Variants in ZNF521 observed in about 807,000 individuals in gnomAD.
The protein encoded by ZNF521 is zinc finger protein 521.
In ZNF521, 14 loss-of-function variants were observed where a neutral mutation model predicts 105.5. The observed-to-expected ratio is 0.13, with a 90% confidence interval of 0.09 to 0.21. The LOEUF (loss-of-function observed/expected upper bound fraction) is 0.21, where lower values mean the gene tolerates loss of function less well. Among genes scored for constraint, ZNF521 ranks in the 10% least tolerant of loss-of-function variants. The pLI, the probability that ZNF521 is intolerant of heterozygous loss-of-function variation, is 1.00. For missense variants in ZNF521, 1,233 were observed against 1,629.7 expected (o/e 0.76, Z 4.19); for synonymous variants, 635 against 606.0 (o/e 1.05, Z -0.70).
At chr18:25,230,937 T>A (rs1906489443) in intron 3 of ZNF521, among the ~76,000 whole-genome samples, 1 of 152,128 alleles carries the variant, frequency 6.6e-6, no homozygotes, top group Non-Finnish European at 1.5e-5. Context: ...ACCATTTCCA[T>A]AAAGCACATT....
At chr18:25,333,036 G>A in intron 2 of ZNF521, among the ~76,000 whole-genome samples, 1 of 151,696 alleles carries the variant, frequency 6.6e-6, no homozygotes, top group South Asian at 2.1e-4. Context: ...TAGTATTTAT[G>A]TATATAATGT....
chr18:25,107,113 G>A (rs1014362515), intron 5 of ZNF521, among the ~76,000 whole-genome samples: 3 of 152,176 alleles, frequency 2.0e-5, no homozygotes, highest in Non-Finnish European at 2.9e-5. Context: ...AACAAGCTGA[G>A]CCATTTCACA....
Position 25,295,850 on chromosome 18 carries a change from C to G in ZNF521, c.220+26158G>C, listed in dbSNP as rs79829746. Among the ~76,000 whole-genome samples the G allele has an allele frequency of 2.6e-5, 4 of 152,248 alleles. No individual in the cohort carries two copies. In the East Asian group the frequency reaches 5.8e-4, roughly 22 times the overall value. On this transcript the variant is annotated intron_variant, in intron 3 of 7. Coordinates refer to ENST00000361524, the MANE Select transcript of ZNF521 (RefSeq NM_015461.3). ...TTGCTGAGTCATAGAGTTTACATAT[C>G]CTTAAACTTAGTGTATAATGCCAAA...
intron 7 of ZNF521, chr18:25,082,645 G>C (rs183714850): frequency 2.1e-5 from 9 of 418,884 alleles, no homozygotes; most frequent in African/African-American, 1.6e-4. Flanking sequence ...AGACCAGCCT[G>C]GGCAACATGG....
intron 5 of ZNF521, among the ~76,000 whole-genome samples, chr18:25,144,983 T>C (rs1222232739): frequency 6.6e-6 from 1 of 152,190 alleles, no homozygotes; most frequent in Non-Finnish European, 1.5e-5. Context: ...GACTCACATA[T>C]GTAAGTAAGT....
rs569071130 is a variant in ZNF521, at chr18:25,178,165, A to G, written c.3658+16995T>C. 2.0e-5 allele frequency among the ~76,000 whole-genome samples: 3 copies of G among 152,366 alleles called. No individual in the cohort carries two copies. In the South Asian group the frequency reaches 6.2e-4, roughly 32 times the overall value. ...CTTTCTCATGTTTAAATGAATGTGC[A>G]GTAACTGCGTTACTCCCTTTCCAAT... On this transcript the variant is annotated intron_variant, in intron 5 of 7. Transcript: ENST00000361524.
At chr18:25,257,270 C>T (rs1171465039) in intron 3 of ZNF521, among the ~76,000 whole-genome samples, 2 of 152,068 alleles carry the variant, frequency 1.3e-5, no homozygotes. Context: ...AGTTCATACC[C>T]ATTTCAATCT....
At chr18:25,177,993 A>C (rs1742412828) in intron 5 of ZNF521, among the ~76,000 whole-genome samples, 1 of 152,212 alleles carries the variant, frequency 6.6e-6, no homozygotes, top group Non-Finnish European at 1.5e-5. Flanking sequence ...TATTAACATA[A>C]AAGAGTGTTC....
chr18:25,217,867 A>G (rs1407677139), intron 4 of ZNF521, among the ~76,000 whole-genome samples: 1 of 152,226 alleles, frequency 6.6e-6, no homozygotes, highest in Non-Finnish European at 1.5e-5. Context: ...CTTGGGATGG[A>G]GAGTCAGGCT....
chr18:25,292,775 G>A (rs1391993996), intron 3 of ZNF521, among the ~76,000 whole-genome samples: 1 of 152,194 alleles, frequency 6.6e-6, no homozygotes, highest in Non-Finnish European at 1.5e-5. Context: ...ACATGAAAGT[G>A]GGAGATGAGG....
rs1276952687 is a variant in ZNF521 at position 25,089,405 on chromosome 18, CCT to C, written c.3906+58_3906+59del. On this transcript the variant is annotated intron_variant, in intron 7 of 7. Transcript: ENST00000361524. ...ACTGTGAATCCAGATTTAAAATGCC[CCT>C]GTTTACTATAAGAATAGCAACTGAG... 3.2e-5 allele frequency: 42 copies of C among 1,294,766 alleles called. 1 individual carries two copies. Among genetic ancestry groups the C allele is most frequent in the Non-Finnish European group, 4.6e-5 (41 of 895,174 alleles). The allele number at this position is 1,294,766 out of a possible 1,614,324, so 80.2% of individuals were successfully genotyped here.
chr18:25,125,779 C>T lies in ZNF521; in HGVS notation c.3659-33698G>A, dbSNP rs141216237. On this transcript the variant is annotated intron_variant, in intron 5 of 7. Coordinates refer to ENST00000361524, the MANE Select transcript of ZNF521 (RefSeq NM_015461.3). The stretch of plus-strand genomic sequence containing the variant: ...AAGGTATGATTTGGTTGTGGTTTTG[C>T]TATTATTTCCAAGAAATAAACTTGC... 3.1e-3 allele frequency among the ~76,000 whole-genome samples: 470 copies of T among 150,740 alleles called. 10 individuals are homozygous for T. In the East Asian group the frequency reaches 0.037, roughly 12 times the overall value.
At chr18:25,347,085 A>G (rs1278824475) in intron 2 of ZNF521, among the ~76,000 whole-genome samples, 1 of 152,234 alleles carries the variant, frequency 6.6e-6, no homozygotes, top group African/African-American at 2.4e-5. Flanking sequence ...AATAGCCAGC[A>G]AGAAAAATAG....
intron 5 of ZNF521, among the ~76,000 whole-genome samples, chr18:25,174,671 C>G (rs2035505275): frequency 6.6e-6 from 1 of 152,156 alleles, no homozygotes. Flanking sequence ...ATACAGTAAT[C>G]CTGGCAACAC....
intron 5 of ZNF521, among the ~76,000 whole-genome samples, chr18:25,126,802 A>G (rs1346475120): frequency 6.6e-6 from 1 of 152,136 alleles, no homozygotes; most frequent in Non-Finnish European, 1.5e-5. Context: ...TAAAAATTAA[A>G]AAAACCAAAG....
intron 3 of ZNF521, among the ~76,000 whole-genome samples, chr18:25,305,021 T>C (rs1317417892): frequency 1.3e-5 from 2 of 152,220 alleles, no homozygotes; most frequent in African/African-American, 2.4e-5. Context: ...GTATGTTCTT[T>C]AATATGTTTG....
chr18:25,284,910 G>GCGCA (rs1555658165), intron 3 of ZNF521, among the ~76,000 whole-genome samples: 1,775 of 148,676 alleles, frequency 0.012, 33 homozygotes, highest in African/African-American at 0.041. Flanking sequence ...GTGCGCGCGC[G>GCGCA]CACACACACA....
At position 25,224,918 on chromosome 18, in the gene ZNF521, T is replaced by G. The variant is rs1906003258; in HGVS notation, c.3000A>C (p.Glu1000Asp). Reference sequence around the variant, plus strand: ...TTTGGCAATGCTCTAAAAACTCCTCTTCACTCTGGAGAGGCATCTTGCAAA... The same window carrying G: ...TTTGGCAATGCTCTAAAAACTCCTCGTCACTCTGGAGAGGCATCTTGCAAA... ...CRICKMPLQSEEEFLEHCQMH... is the reference protein window; with the variant it reads ...CRICKMPLQSDEEFLEHCQMH... Residue 1000 changes from glutamate to aspartate, a missense_variant, in exon 4 of 8, where the codon GAA (glutamate) becomes GAC (aspartate). Glu to Asp is a conservative substitution (Grantham distance 45). Around this residue, in one of 6 missense-constraint regions of ZNF521, gnomAD observed 614 missense variants for 751.5 expected, o/e 0.82. Transcript: ENST00000361524. 2 of 1,613,896 alleles carry G rather than the reference T, an allele frequency of 1.2e-6. No homozygotes were observed. The highest frequency in any genetic ancestry group is 1.7e-6 in the Non-Finnish European group (2 of 1,180,026).
intron 3 of ZNF521, among the ~76,000 whole-genome samples, chr18:25,312,623 T>C (rs1161636560): frequency 3.9e-5 from 2 of 51,484 alleles, no homozygotes; most frequent in East Asian, 4.2e-4. Context: ...CCATCCTGGC[T>C]AACAAGGTGA....
Sources: gnomAD v4.1 joint callset for allele counts (sites outside exome capture counted in the v4.1 genomes callset) on GRCh38, gnomAD v4.1.1 for gene constraint, gnomAD v4.1.1 regional missense constraint, MANE v1.5 for transcripts, NCBI Gene and HGNC (gene_info 2026-07-23, HGNC 2026-07-21) for gene names.